The following PPP5C variants were observed in gnomAD, a reference collection of about 807,000 sequenced individuals.
PPP5C encodes serine/threonine-protein phosphatase 5.
In PPP5C, 21 loss-of-function variants were observed where a neutral mutation model predicts 66.7. The ratio of observed to expected loss-of-function variants is 0.31; its 90% CI spans 0.22 to 0.45. The LOEUF (loss-of-function observed/expected upper bound fraction) is 0.45, where lower values mean the gene tolerates loss of function less well. Ranked by LOEUF, PPP5C falls within the 20% of genes least tolerant of loss-of-function variation. The pLI is 1.00. For missense variants in PPP5C, 464 were observed against 675.9 expected (o/e 0.69, Z 3.48); for synonymous variants, 246 against 257.4 (o/e 0.96, Z 0.43).
chr19:46,352,241 G>A (rs528592445), intron 1 of PPP5C, among the ~76,000 whole-genome samples: 1 of 152,352 alleles, frequency 6.6e-6, no homozygotes, highest in East Asian at 1.9e-4. Context: ...GGAGGGCAGG[G>A]CTGTGTGTAA....
intron 11 of PPP5C, among the ~76,000 whole-genome samples, chr19:46,389,469 T>A (rs1972969807): frequency 7.5e-6 from 1 of 133,546 alleles, no homozygotes. Context: ...ACAGTGTTGA[T>A]CCCTTGCCCC....
intron 11 of PPP5C, 137 bp from the exon 12 acceptor site, chr19:46,389,912 GTC>G (rs1370117479): frequency 5.7e-6 from 4 of 706,628 alleles, no homozygotes; most frequent in African/African-American, 1.8e-5. Flanking sequence ...TCCCATCTCT[GTC>G]TCTCTGTCCA....
chr19:46,384,961 CA>C, intron 7 of PPP5C, 52 bp downstream of exon 7: 2 of 1,329,588 alleles, frequency 1.5e-6, no homozygotes, highest in Non-Finnish European at 1.1e-6. Flanking sequence ...CTGAGTGGGG[CA>C]CTCACTCTGC....
rs747446024 is a variant in PPP5C at position 46,388,663 on chromosome 19, C to G, written c.1287C>G (p.Val429=). The G allele has an allele frequency of 7.4e-6, 12 of 1,614,090 alleles. No homozygotes were observed. Among genetic ancestry groups the G allele is most frequent in the Non-Finnish European group, 9.3e-6 (11 of 1,180,044 alleles). The change falls in exon 11 of 13, where the codon GTC becomes GTG. Residue 429 remains valine, a synonymous_variant. Coordinates refer to ENST00000012443, the MANE Select transcript of PPP5C (RefSeq NM_006247.4). The surrounding 1 kb of genome is among the most constrained non-coding windows in gnomAD (Gnocchi z 4.9). ...ACTATATCATCCGCAGCCACGAAGT[C>G]AAGGCCGAGGGCTACGAGGTGGCTC... The part of the protein sequence containing the change: ...NLDYIIRSHE[V]KAEGYEVAHG...
intron 2 of PPP5C, among the ~76,000 whole-genome samples, chr19:46,366,023 CAAAT>C (rs1280380248): frequency 5.3e-5 from 8 of 152,180 alleles, no homozygotes; most frequent in Admixed American, 2.0e-4. Context: ...TAGAACCACT[CAAAT>C]AAAGTCTAGA....
rs146393311 is a variant in PPP5C, at chr19:46,390,322, G to A, written c.1476G>A (p.Thr492=). 5.4e-5 allele frequency: 86 copies of A among 1,583,032 alleles called. No homozygotes were observed. The African/African-American group carries it at 7.3e-4, about 13-fold the overall frequency. The part of the protein sequence containing the change: ...PNVKPMAYAN[T]LLQLGMM ...TCAAGCCCATGGCCTATGCCAACAC[G>A]CTGCTGCAGCTAGGAATGATGTGAG... Residue 492 remains threonine, a synonymous_variant, in exon 13 of 13, where the codon ACG becomes ACA. Coordinates refer to ENST00000012443, the MANE Select transcript of PPP5C (RefSeq NM_006247.4).
In PPP5C at chr19:46,390,318, A is replaced by G. The variant is rs2147411694; in HGVS notation, c.1472A>G (p.Asn491Ser). The G allele has an allele frequency of 2.5e-6, 4 of 1,585,794 alleles. No individual in the cohort carries two copies. In the East Asian group the frequency reaches 6.9e-5, roughly 27 times the overall value. ...AACGTCAAGCCCATGGCCTATGCCA[A>G]CACGCTGCTGCAGCTAGGAATGATG... ...HPNVKPMAYA[N>S]TLLQLGMM The change falls in exon 13 of 13, where the codon AAC (asparagine) becomes AGC (serine). Residue 491 changes from asparagine to serine, a missense_variant. Physicochemically the swap from Asn to Ser is conservative, Grantham distance 46. This residue lies in a region of PPP5C where 387 missense variants were observed against 626.0 expected (regional missense o/e 0.62). Coordinates refer to ENST00000012443, the MANE Select transcript of PPP5C (RefSeq NM_006247.4).
intron 7 of PPP5C, chr19:46,386,700 C>T (rs1431556566): frequency 7.3e-6 from 2 of 275,392 alleles, no homozygotes; most frequent in Non-Finnish European, 1.4e-5. Flanking sequence ...GCAGCCTCTG[C>T]TTCGTGGGCT....
At chr19:46,365,794 AC>A (rs1254831722) in intron 2 of PPP5C, among the ~76,000 whole-genome samples, 1 of 152,164 alleles carries the variant, frequency 6.6e-6, no homozygotes, top group Non-Finnish European at 1.5e-5. Flanking sequence ...AAGATGACTT[AC>A]CCTCATGCAG....
chr19:46,371,163 A>T (rs1029463580), intron 2 of PPP5C, among the ~76,000 whole-genome samples: 2 of 151,992 alleles, frequency 1.3e-5, no homozygotes, highest in Non-Finnish European at 2.9e-5. Context: ...CTATGCTTGG[A>T]ACTTGGGTGC....
At position 46,358,697 on chromosome 19, in the gene PPP5C, G is replaced by A. The variant is rs186703578; in HGVS notation, c.363+4708G>A. Among the ~76,000 whole-genome samples the A allele has an allele frequency of 2.6e-5, 4 of 152,140 alleles. 1 individual carries two copies. The highest frequency in any genetic ancestry group is 2.4e-5 in the African/African-American group (1 of 41,444). ...CTCCAGAGAACAGATAAGCTCAAGCGTTTAAAGACAAAAGGATAAATCGGG... is the reference window on the plus strand; with the variant it reads ...CTCCAGAGAACAGATAAGCTCAAGCATTTAAAGACAAAAGGATAAATCGGG... On this transcript the variant is annotated intron_variant, in intron 2 of 12. Transcript: ENST00000012443.
In PPP5C at chr19:46,387,232, G is replaced by T. The variant is rs1972905239; in HGVS notation, c.1044G>T (p.Val348=). The stretch of plus-strand genomic sequence containing the variant: ...TGGCCCAGTGCATCAACGGCAAAGT[G>T]CTGGTGAGGACGGCGCGAGCCCTGA... The part of the protein sequence containing the change: ...LPLAQCINGK[V]LIMHGGLFSE... Residue 348 remains valine, a synonymous_variant, in exon 8 of 13, where the codon GTG becomes GTT. Coordinates refer to ENST00000012443, the MANE Select transcript of PPP5C (RefSeq NM_006247.4). The T allele has an allele frequency of 6.2e-7, 1 of 1,614,164 alleles. No individual in the cohort carries two copies. Among genetic ancestry groups the T allele is most frequent in the African/African-American group, 1.3e-5 (1 of 74,962 alleles).
chr19:46,390,559 A>T lies in PPP5C; in HGVS notation c.*213A>T, dbSNP rs145713850. On this transcript the variant is annotated 3_prime_UTR_variant, in exon 13 of 13. Transcript: ENST00000012443. ...TCTGCTCCCTGGACAGAGAGGAAGG[A>T]GGTGGAGCAGCTGGGGCTGGGGGCA... The T allele has an allele frequency of 1.6e-3, 2,134 of 1,341,256 alleles. 4 individuals are homozygous for T. In the Middle Eastern group the frequency reaches 0.016, roughly 10 times the overall value. The allele number at this position is 1,341,256 out of a possible 1,614,324, so 83.1% of individuals were successfully genotyped here.
chr19:46,366,774 T>TA (rs1444823381), intron 2 of PPP5C, among the ~76,000 whole-genome samples: 4 of 152,202 alleles, frequency 2.6e-5, no homozygotes, highest in East Asian at 1.9e-4. Context: ...GGGTGTGAGT[T>TA]ACGGTGTCTG....
In PPP5C at chr19:46,384,581, ACTG is replaced by A; in HGVS notation, c.799-222_799-220del. The A allele has an allele frequency of 8.0e-6, 4 of 497,144 alleles. No homozygotes were observed. In the South Asian group the frequency reaches 8.3e-5, roughly 10 times the overall value. The allele number at this position is 497,144 out of a possible 1,614,324, so 30.8% of individuals were successfully genotyped here. ...GAGGCAGGGTCCTCAGTGCCATACT[ACTG>A]AGGCTCAGCGGCCAAGCTCTGGCTG... is the stretch of plus-strand genomic sequence containing the variant. On this transcript the variant is annotated intron_variant, in intron 6 of 12. Coordinates refer to ENST00000012443, the MANE Select transcript of PPP5C (RefSeq NM_006247.4).
intron 2 of PPP5C, among the ~76,000 whole-genome samples, chr19:46,366,624 C>G (rs760283850): frequency 7.2e-5 from 11 of 152,152 alleles, no homozygotes; most frequent in Non-Finnish European, 1.6e-4. Context: ...TGTGAGGCAC[C>G]ATGCATGGCC....
Position 46,376,711 on chromosome 19 carries a change from C to A in PPP5C, c.633+137C>A. 2 of 1,260,866 alleles carry A rather than the reference C, an allele frequency of 1.6e-6. No homozygotes were observed. Among genetic ancestry groups the A allele is most frequent in the Non-Finnish European group, 2.2e-6 (2 of 915,438 alleles). The allele number at this position is 1,260,866 out of a possible 1,614,324, so 78.1% of individuals were successfully genotyped here. A position where few individuals can be genotyped will look rare whatever the true frequency, so the allele number is the denominator to read the frequency against. On this transcript the variant is annotated intron_variant, in intron 4 of 12. Transcript: ENST00000012443. The surrounding 1 kb of genome is among the most constrained non-coding windows in gnomAD (Gnocchi z 5.1). The stretch of plus-strand genomic sequence containing the variant: ...CACCAAACAGGAGTCGTGTGCCGGA[C>A]ACTGTGCCGAGGGCTTACCACATGA...
At position 46,388,821 on chromosome 19, in the gene PPP5C, C is replaced by CAAAG. The variant is rs373112609; in HGVS notation, c.1355+92_1355+95dup. 1.5e-4 allele frequency: 221 copies of CAAAG among 1,463,448 alleles called. No homozygotes were observed. The African/African-American group carries it at 2.9e-3, about 19-fold the overall frequency. 90.7% of individuals were successfully genotyped at this position (1,463,448 alleles called of 1,614,324 possible). On this transcript the variant is annotated intron_variant, in intron 11 of 12. Transcript: ENST00000012443. The surrounding 1 kb of genome is among the most constrained non-coding windows in gnomAD (Gnocchi z 4.9). ...TTTGCCTTTTTATGATGGAACATTT[C>CAAAG]AAAGACAGGCAAGAGCAGATAAAAG... is the stretch of plus-strand genomic sequence containing the variant.
chr19:46,386,313 G>C (rs1371083864), intron 7 of PPP5C, among the ~76,000 whole-genome samples: 1 of 152,202 alleles, frequency 6.6e-6, no homozygotes, highest in African/African-American at 2.4e-5. Context: ...TGAGTTGGGA[G>C]GTGAGTGATA....
Sources: allele counts gnomAD v4.1 joint callset (sites outside exome capture counted in the v4.1 genomes callset), GRCh38; gene constraint gnomAD v4.1.1; regional missense constraint gnomAD v4.1.1; non-coding constraint Gnocchi (gnomAD v3.1); transcripts MANE v1.5; gene names NCBI Gene and HGNC (gene_info 2026-07-23, HGNC 2026-07-21).